CNBP: variants seen among roughly 807,000 people sequenced by gnomAD.
CNBP encodes CCHC-type zinc finger nucleic acid binding protein, also known as cellular nucleic acid-binding protein.
In CNBP, 6 loss-of-function variants were observed where a neutral mutation model predicts 21.2. The observed-to-expected ratio is 0.28, with a 90% CI of 0.16 to 0.56. The LOEUF is 0.56. Among genes scored for constraint, CNBP ranks in the 20% least tolerant of loss-of-function variants. CNBP has a pLI of 0.93. For missense variants in CNBP, 112 were observed against 233.1 expected, an observed-to-expected ratio of 0.48 and a Z score of 3.38; for synonymous variants, 61 against 74.9, an observed-to-expected ratio of 0.81 and a Z score of 0.96.
intron 1 of CNBP, among the ~76,000 whole-genome samples, chr3:129,177,706 G>C (rs559373493): frequency 2.0e-5 from 3 of 152,092 alleles, no homozygotes; most frequent in Admixed American, 6.6e-5. Flanking sequence ...GAGAAACACC[G>C]GTGATTTCCA....
At chr3:129,173,929 A>C (rs1475692911) in intron 1 of CNBP, among the ~76,000 whole-genome samples, 3 of 152,308 alleles carry the variant, frequency 2.0e-5, no homozygotes, top group African/African-American at 2.4e-5. Context: ...AAGGTTCTCC[A>C]CTTTCAGTAA....
rs763406752 is a variant in CNBP at position 129,170,135 on chromosome 3, T to C, written c.*318A>G. 5 of 314,284 alleles carry C rather than the reference T, an allele frequency of 1.6e-5. No homozygotes were observed. The highest frequency in any genetic ancestry group is 3.0e-5 in the Non-Finnish European group (5 of 166,646). 19.5% of individuals were successfully genotyped at this position (314,284 alleles called of 1,614,324 possible). On this transcript the variant is annotated 3_prime_UTR_variant, in exon 5 of 5. Transcript: ENST00000422453. ...TGGTTTTACCTCCTACATGGGAACA[T>C]GTTCAAGGAACCCAGGACGGGCTTA...
At chr3:129,181,084 A>G (rs1202241457) in intron 1 of CNBP, among the ~76,000 whole-genome samples, 1 of 150,824 alleles carries the variant, frequency 6.6e-6, no homozygotes, top group African/African-American at 2.4e-5. Context: ...TACAAAAAAT[A>G]CAAAAATTAG....
In CNBP at chr3:129,170,007, T is replaced by G. The variant is rs1937540124; in HGVS notation, c.*446A>C. 4.2e-6 allele frequency: 1 copy of G among 240,868 alleles called. No individual in the cohort carries two copies. The highest frequency in any genetic ancestry group is 2.2e-5 in the African/African-American group (1 of 45,402). 14.9% of individuals were successfully genotyped at this position (240,868 alleles called of 1,614,324 possible). On this transcript the variant is annotated 3_prime_UTR_variant, in exon 5 of 5. Coordinates refer to ENST00000422453, the MANE Select transcript of CNBP (RefSeq NM_003418.5). Reference sequence around the variant, plus strand: ...TGTTCTATGTAGGGCCTGATACAGATGTTACTTGATGTTATTTAATAGCTA... The same window carrying G: ...TGTTCTATGTAGGGCCTGATACAGAGGTTACTTGATGTTATTTAATAGCTA...
In CNBP at chr3:129,168,110, G is replaced by A. The variant is rs1937488512; in HGVS notation, c.*2343C>T. ...AAAGTCAAGAATCACACAGCAGCAT[G>A]GAGGGGGAAAATGAACTATATGATG... On this transcript the variant is annotated 3_prime_UTR_variant, in exon 5 of 5. Coordinates refer to ENST00000422453, the MANE Select transcript of CNBP (RefSeq NM_003418.5). 6.6e-6 allele frequency among the ~76,000 whole-genome samples: 1 copy of A among 152,134 alleles called. No individual in the cohort carries two copies. The highest frequency in any genetic ancestry group is 2.4e-5 in the African/African-American group (1 of 41,424).
Position 129,167,968 on chromosome 3 carries a change from TATTA to T in CNBP, c.*2481_*2484del. Among the ~76,000 whole-genome samples the T allele has an allele frequency of 6.6e-6, 1 of 152,324 alleles. No individual in the cohort carries two copies. ...CCTCTTTTTCTTGCTTGCTCAGGACTATTAATTTGACAAGGTTGGAATGTGCACA... is the reference window on the plus strand; with the variant it reads ...CCTCTTTTTCTTGCTTGCTCAGGACTATTTGACAAGGTTGGAATGTGCACA... On this transcript the variant is annotated 3_prime_UTR_variant, in exon 5 of 5. Transcript: ENST00000422453.
chr3:129,171,319 C>T, intron 3 of CNBP, 42 bp from the exon 4 acceptor site: 1 of 1,610,990 alleles, frequency 6.2e-7, no homozygotes, highest in South Asian at 1.1e-5. Flanking sequence ...ACTATAAAAC[C>T]TTTACAAAGT....
intron 1 of CNBP, among the ~76,000 whole-genome samples, chr3:129,173,065 C>G (rs1023919460): frequency 6.6e-6 from 1 of 152,102 alleles, no homozygotes; most frequent in South Asian, 2.1e-4. Flanking sequence ...ACAGTAGGCC[C>G]TCTATATCCA....
chr3:129,169,792 C>G lies in CNBP; in HGVS notation c.*661G>C, dbSNP rs1236917971. The G allele has an allele frequency of 9.0e-6, 2 of 223,292 alleles. No individual in the cohort carries two copies. Among genetic ancestry groups the G allele is most frequent in the African/African-American group, 4.5e-5 (2 of 44,782 alleles). 13.8% of individuals were successfully genotyped at this position (223,292 alleles called of 1,614,324 possible). On this transcript the variant is annotated 3_prime_UTR_variant, in exon 5 of 5. Coordinates refer to ENST00000422453, the MANE Select transcript of CNBP (RefSeq NM_003418.5). ...AGCTCCAAATTATGCTAACTCTGAGCATTGATGTTTACTCTGGGTTTTAGA... is the reference window on the plus strand; with the variant it reads ...AGCTCCAAATTATGCTAACTCTGAGGATTGATGTTTACTCTGGGTTTTAGA...
intron 1 of CNBP, among the ~76,000 whole-genome samples, chr3:129,183,367 C>A (rs1281417546): frequency 2.0e-5 from 3 of 152,210 alleles, no homozygotes; most frequent in Non-Finnish European, 4.4e-5. Flanking sequence ...CAGCCGGGAG[C>A]CTTTCCCCAC....
chr3:129,178,158 C>CAAAAAAA (rs368723690), intron 1 of CNBP, among the ~76,000 whole-genome samples: 2 of 103,852 alleles, frequency 1.9e-5, no homozygotes, highest in Non-Finnish European at 3.5e-5. Flanking sequence ...GACTCTGTCT[C>CAAAAAAA]AAAAAAAAAA....
intron 1 of CNBP, among the ~76,000 whole-genome samples, chr3:129,173,056 C>T (rs1314822634): frequency 2.0e-5 from 3 of 152,168 alleles, no homozygotes; most frequent in Non-Finnish European, 4.4e-5. Flanking sequence ...GGTACAAGTA[C>T]AGTAGGCCCT....
rs1379997053 is a variant in CNBP at position 129,171,542 on chromosome 3, T to G, written c.125-4A>C. On this transcript the variant is annotated splice_region_variant and splice_polypyrimidine_tract_variant and intron_variant, in intron 2 of 4. Transcript: ENST00000422453. ...GACGAGGAAACAAACTGGAAACCTG[T>G]TTTGAGCAAAAACAAAGAATTCGGC... 1 of 1,614,012 alleles carries G rather than the reference T, an allele frequency of 6.2e-7. No homozygotes were observed. Among genetic ancestry groups the G allele is most frequent in the Admixed American group, 1.7e-5 (1 of 60,008 alleles).
In CNBP at chr3:129,172,665, CAG is replaced by C. The variant is rs57006700; in HGVS notation, c.-14-896_-14-895del. 9.4e-3 allele frequency among the ~76,000 whole-genome samples: 865 copies of C among 92,032 alleles called. 61 individuals are homozygous for C. Among genetic ancestry groups the C allele is most frequent in the East Asian group, 0.028 (94 of 3,404 alleles). 60.4% of individuals were successfully genotyped at this position (92,032 alleles called of 152,430 possible). ...GCAGGCAGGCAGGCAGGCAGACAGA[CAG>C]ACAGACAGACAGACAGACAGACAGA... On this transcript the variant is annotated intron_variant, in intron 1 of 4. Transcript: ENST00000422453.
At chr3:129,172,630 AG>A (rs1412225765) in intron 1 of CNBP, among the ~76,000 whole-genome samples, 11 of 39,142 alleles carry the variant, frequency 2.8e-4, no homozygotes, top group African/African-American at 9.2e-4. Flanking sequence ...GCAGCCAGGC[AG>A]GCAGGCAGGC....
rs551270741 is a variant in CNBP at position 129,171,979 on chromosome 3, G to C, written c.-14-208C>G. Among the ~76,000 whole-genome samples, 31 of 151,940 alleles carry C rather than the reference G, an allele frequency of 2.0e-4. 1 individual carries two copies. In the South Asian group the frequency reaches 6.4e-3, roughly 32 times the overall value. ...TGGATCATGAGATCGAGACCATCTT[G>C]GCTAACATGGTGAAACCCCGTCTCT... On this transcript the variant is annotated intron_variant, in intron 1 of 4. Coordinates refer to ENST00000422453, the MANE Select transcript of CNBP (RefSeq NM_003418.5).
chr3:129,172,015 CA>C (rs1937579386), intron 1 of CNBP, among the ~76,000 whole-genome samples: 2 of 151,866 alleles, frequency 1.3e-5, no homozygotes, highest in Admixed American at 6.6e-5. Context: ...ACGAAAAATA[CA>C]AAAAATTAGC....
In CNBP at chr3:129,168,111, GA is replaced by G. The variant is rs996640530; in HGVS notation, c.*2341del. On this transcript the variant is annotated 3_prime_UTR_variant, in exon 5 of 5. Coordinates refer to ENST00000422453, the MANE Select transcript of CNBP (RefSeq NM_003418.5). Reference sequence around the variant, plus strand: ...AAGTCAAGAATCACACAGCAGCATGGAGGGGGAAAATGAACTATATGATGCT... The same window carrying G: ...AAGTCAAGAATCACACAGCAGCATGGGGGGGAAAATGAACTATATGATGCT... Among the ~76,000 whole-genome samples the G allele has an allele frequency of 6.6e-6, 1 of 152,168 alleles. No homozygotes were observed. The highest frequency in any genetic ancestry group is 1.5e-5 in the Non-Finnish European group (1 of 68,036).
chr3:129,182,403 G>A (rs1291159137), intron 1 of CNBP, among the ~76,000 whole-genome samples: 1 of 151,922 alleles, frequency 6.6e-6, no homozygotes. Context: ...CTTTTTACAA[G>A]ACCCCCAAGA....
Sources: allele counts gnomAD v4.1 joint callset (sites outside exome capture counted in the v4.1 genomes callset), GRCh38; gene constraint gnomAD v4.1.1; transcripts MANE v1.5; gene names NCBI Gene and HGNC (gene_info 2026-07-23, HGNC 2026-07-21).